PEPD: variants seen among roughly 807,000 people sequenced by gnomAD.
The protein encoded by PEPD is peptidase D.
A neutral mutation model predicts 60.7 loss-of-function variants in PEPD; 53 were observed. That is an observed-to-expected ratio of 0.87 (90% CI 0.70 to 1.10). The LOEUF (loss-of-function observed/expected upper bound fraction) is 1.10. Ranked by LOEUF, PEPD falls within the 50% of genes least tolerant of loss-of-function variation. The pLI is 0.00. For missense variants in PEPD, 711 were observed against 711.9 expected, an observed-to-expected ratio of 1.00 and a Z score of 0.01; for synonymous variants, 267 against 284.1, an observed-to-expected ratio of 0.94 and a Z score of 0.60.
chr19:33,401,098 G>A (rs1214518279), intron 12 of PEPD, among the ~76,000 whole-genome samples: 5 of 152,216 alleles, frequency 3.3e-5, no homozygotes, highest in African/African-American at 1.2e-4. Context: ...AGGGCTGAGG[G>A]CAGGACAGGT....
At chr19:33,473,372 G>C (rs1190742482) in intron 7 of PEPD, among the ~76,000 whole-genome samples, 2 of 151,830 alleles carry the variant, frequency 1.3e-5, no homozygotes, top group Non-Finnish European at 2.9e-5. Context: ...GTAGAATCCT[G>C]GGACACGTCT....
intron 7 of PEPD, among the ~76,000 whole-genome samples, chr19:33,475,562 C>T (rs16968188): frequency 0.031 from 4,644 of 152,212 alleles, 144 homozygotes; most frequent in African/African-American, 0.07. Context: ...AACGCGGGCT[C>T]GACCTCAAAG....
chr19:33,413,207 T>G (rs553993609), intron 10 of PEPD, among the ~76,000 whole-genome samples: 1 of 152,336 alleles, frequency 6.6e-6, no homozygotes, highest in East Asian at 1.9e-4. Flanking sequence ...ACACAGAAGC[T>G]GCCCAGCCTG....
At position 33,463,967 on chromosome 19, in the gene PEPD, A is replaced by G; in HGVS notation, c.624+20T>C. 6.4e-7 allele frequency: 1 copy of G among 1,564,722 alleles called. No individual in the cohort carries two copies. The highest frequency in any genetic ancestry group is 8.8e-7 in the Non-Finnish European group (1 of 1,137,878). ...GCAACACTGCTTTCCCCACTCAACC[A>G]GAGCCGGTGCCTGACTTACCTCACG... On this transcript the variant is annotated intron_variant, in intron 8 of 14. Transcript: ENST00000244137.
intron 11 of PEPD, 61 bp downstream of exon 11, chr19:33,411,611 G>A: frequency 1.1e-6 from 1 of 929,238 alleles, no homozygotes; most frequent in Non-Finnish European, 1.8e-6. Flanking sequence ...CCATCTTGAA[G>A]TTGAGTCCAA....
At chr19:33,496,082 G>C (rs1970597763) in intron 4 of PEPD, among the ~76,000 whole-genome samples, 1 of 152,262 alleles carries the variant, frequency 6.6e-6, no homozygotes, top group South Asian at 2.1e-4. Flanking sequence ...AAGGAACAGG[G>C]GTACACATGC....
intron 2 of PEPD, 99 bp from the exon 3 acceptor site, chr19:33,511,254 G>A (rs1008067008): frequency 1.5e-5 from 19 of 1,259,184 alleles, no homozygotes; most frequent in Admixed American, 7.2e-5. Context: ...AGCTCAGACC[G>A]ACAGCCTCCT....
intron 6 of PEPD, among the ~76,000 whole-genome samples, chr19:33,485,032 G>A (rs59082226): frequency 0.044 from 6,731 of 152,216 alleles, 506 homozygotes; most frequent in African/African-American, 0.15. Context: ...TGTGGGCTGG[G>A]AGATGAGAGG....
At chr19:33,502,411 G>A (rs1270481315) in intron 3 of PEPD, among the ~76,000 whole-genome samples, 2 of 152,160 alleles carry the variant, frequency 1.3e-5, no homozygotes, top group Non-Finnish European at 2.9e-5. Flanking sequence ...AGGGTCGGGA[G>A]GCGTTAGGGC....
intron 12 of PEPD, among the ~76,000 whole-genome samples, chr19:33,394,114 C>A (rs1029392643): frequency 6.6e-6 from 1 of 152,214 alleles, no homozygotes; most frequent in Non-Finnish European, 1.5e-5. Flanking sequence ...AAAGTGAGTG[C>A]CCCTCAGGTC....
chr19:33,508,779 A>C (rs117283488), intron 3 of PEPD, among the ~76,000 whole-genome samples: 2,784 of 152,336 alleles, frequency 0.018, 34 homozygotes, highest in Non-Finnish European at 0.028. Context: ...CAGACCTGGG[A>C]CAGGCAGAAG....
intron 9 of PEPD, among the ~76,000 whole-genome samples, chr19:33,458,474 G>A (rs1238609596): frequency 1.3e-5 from 2 of 150,754 alleles, no homozygotes; most frequent in African/African-American, 4.9e-5. Context: ...TATGTGGTAT[G>A]TGGGGGTTGT....
rs1968119751 is a variant in PEPD, at chr19:33,388,017, C to G, written c.1217G>C (p.Gly406Ala). Residue 406 changes from glycine (G) to alanine (A), a missense_variant, in exon 14 of 15, where the codon GGC becomes GCC. Gly to Ala is a moderately conservative substitution (Grantham distance 60). Transcript: ENST00000244137. The stretch of plus-strand genomic sequence containing the variant: ...GCCCGGCTCCACGGTGAGCACCATG[C>G]CTGGCTGCAGGTGCCGTGCAGTGCG... ...SLRTARHLQPGMVLTVEPGIY... is the reference protein window; with the variant it reads ...SLRTARHLQPAMVLTVEPGIY... The G allele has an allele frequency of 6.4e-7, 1 of 1,569,964 alleles. No homozygotes were observed. The highest frequency in any genetic ancestry group is 1.9e-5 in the Admixed American group (1 of 53,264).
At chr19:33,473,931 G>T (rs867789779) in intron 7 of PEPD, among the ~76,000 whole-genome samples, 1 of 152,208 alleles carries the variant, frequency 6.6e-6, no homozygotes, top group African/African-American at 2.4e-5. Context: ...ACAGTCACAG[G>T]AAGGAAATGA....
intron 12 of PEPD, among the ~76,000 whole-genome samples, chr19:33,398,819 C>T (rs539022876): frequency 6.6e-6 from 1 of 152,326 alleles, no homozygotes; most frequent in East Asian, 1.9e-4. Flanking sequence ...CCCGTCCCTT[C>T]CTGCACCTCC....
At chr19:33,394,157 T>C (rs1968308738) in intron 12 of PEPD, among the ~76,000 whole-genome samples, 1 of 152,226 alleles carries the variant, frequency 6.6e-6, no homozygotes, top group South Asian at 2.1e-4. Flanking sequence ...CACATGGGGC[T>C]GGGAGGCCTC....
intron 9 of PEPD, among the ~76,000 whole-genome samples, chr19:33,462,313 GTGGTACCAACAC>G (rs200923440): frequency 0.011 from 1,703 of 152,372 alleles, 26 homozygotes; most frequent in South Asian, 0.071. Context: ...GAGCTTCCAG[GTGGTACCAACAC>G]TGGTGGGAGG....
chr19:33,389,374 T>C (rs933046204), intron 13 of PEPD, among the ~76,000 whole-genome samples: 5 of 152,192 alleles, frequency 3.3e-5, no homozygotes, highest in African/African-American at 9.7e-5. Context: ...ACAGTCCCTC[T>C]GCGCAGGTGA....
intron 9 of PEPD, among the ~76,000 whole-genome samples, chr19:33,446,371 C>T (rs7250833): frequency 0.28 from 42,228 of 152,164 alleles, 6,193 homozygotes; most frequent in African/African-American, 0.34. Context: ...TATTATGAAT[C>T]AGCCAACACT....
Sources: gnomAD v4.1 joint callset for allele counts (sites outside exome capture counted in the v4.1 genomes callset) on GRCh38, gnomAD v4.1.1 for gene constraint, MANE v1.5 for transcripts, NCBI Gene and HGNC (gene_info 2026-07-23, HGNC 2026-07-21) for gene names.